Variants in CNTNAP2 observed in about 807,000 individuals in gnomAD.
CNTNAP2 encodes contactin-associated protein-like 2.
Under a neutral mutation model 155.2 loss-of-function variants are expected in CNTNAP2, and 98 were observed. That is an observed-to-expected ratio of 0.63 (90% CI 0.54 to 0.75). CNTNAP2 has a LOEUF of 0.75. CNTNAP2 is among the 30% of genes least tolerant of loss of function. The pLI is 0.00. For missense variants in CNTNAP2, 1,727 were observed against 1,688.1 expected (o/e 1.02, Z -0.40); for synonymous variants, 651 against 631.2 (o/e 1.03, Z -0.47).
At chr7:146,527,010 T>C (rs1437959398) in intron 1 of CNTNAP2, among the ~76,000 whole-genome samples, 1 of 151,976 alleles carries the variant, frequency 6.6e-6, no homozygotes, top group Non-Finnish European at 1.5e-5. Context: ...CGCCTCGGCC[T>C]CCCAAAGTGC....
intron 4 of CNTNAP2, among the ~76,000 whole-genome samples, chr7:147,063,539 G>A (rs1289464782): frequency 6.6e-6 from 1 of 152,066 alleles, no homozygotes; most frequent in African/African-American, 2.4e-5. Flanking sequence ...ATTGTTGTAT[G>A]CCCAGTGGAA....
At chr7:147,001,994 C>T (rs1428432084) in intron 3 of CNTNAP2, among the ~76,000 whole-genome samples, 1 of 151,272 alleles carries the variant, frequency 6.6e-6, no homozygotes, top group African/African-American at 2.4e-5. Context: ...AAAAAATAGT[C>T]AATATGTTTA....
chr7:148,202,158 G>T (rs1795379507), intron 18 of CNTNAP2, among the ~76,000 whole-genome samples: 1 of 152,010 alleles, frequency 6.6e-6, no homozygotes, highest in South Asian at 2.1e-4. Flanking sequence ...CCCTTCAATG[G>T]CCTCTCTCCT....
At chr7:146,871,876 A>G (rs1457153324) in intron 3 of CNTNAP2, among the ~76,000 whole-genome samples, 5 of 152,142 alleles carry the variant, frequency 3.3e-5, no homozygotes, top group Non-Finnish European at 5.9e-5. Context: ...TTCAAAAAAC[A>G]CAGAACTATA....
At chr7:147,985,511 G>T (rs868678866) in intron 15 of CNTNAP2, among the ~76,000 whole-genome samples, 1 of 149,348 alleles carries the variant, frequency 6.7e-6, no homozygotes, top group Non-Finnish European at 1.5e-5. Context: ...TACATGAAGG[G>T]CTGGTTCTGA....
At chr7:148,215,513 C>T (rs115124507) in intron 18 of CNTNAP2, among the ~76,000 whole-genome samples, 27 of 143,610 alleles carry the variant, frequency 1.9e-4, no homozygotes, top group Non-Finnish European at 2.3e-4. Flanking sequence ...TCAGGGCTTT[C>T]TTTTTTTTTT....
chr7:147,774,062 C>T (rs576343337), intron 13 of CNTNAP2, among the ~76,000 whole-genome samples: 51 of 151,740 alleles, frequency 3.4e-4, no homozygotes, highest in Non-Finnish European at 6.0e-4. Flanking sequence ...ACAACCACTT[C>T]CTTACTTCCT....
rs552196567 is a variant in CNTNAP2 at position 146,215,628 on chromosome 7, A to T, written c.97+98655A>T. ...TATCTTATATGAATAATATATATAT[A>T]TTTTTTTACTTGCCTTTGGAAAGAA... On this transcript the variant is annotated intron_variant, in intron 1 of 23. Transcript: ENST00000361727. Among the ~76,000 whole-genome samples the T allele has an allele frequency of 1.8e-3, 235 of 128,550 alleles. 1 individual carries two copies. Among genetic ancestry groups the T allele is most frequent in the African/African-American group, 5.0e-3 (189 of 37,720 alleles). 84.3% of individuals were successfully genotyped at this position (128,550 alleles called of 152,430 possible).
chr7:147,402,860 A>G (rs140638910), intron 10 of CNTNAP2, among the ~76,000 whole-genome samples: 1 of 152,032 alleles, frequency 6.6e-6, no homozygotes, highest in African/African-American at 2.4e-5. Context: ...TAGGATTCCT[A>G]AGTCTCTGCT....
intron 13 of CNTNAP2, among the ~76,000 whole-genome samples, chr7:147,790,634 A>T (rs1382907687): frequency 6.6e-6 from 1 of 152,208 alleles, no homozygotes; most frequent in Non-Finnish European, 1.5e-5. Context: ...AGTTGTTTAG[A>T]TGCTATTCTA....
At chr7:146,546,209 AAAT>A (rs1250890051) in intron 1 of CNTNAP2, among the ~76,000 whole-genome samples, 1 of 151,928 alleles carries the variant, frequency 6.6e-6, no homozygotes, top group East Asian at 1.9e-4. Context: ...GGAGATTCTG[AAAT>A]GTGACTGATA....
intron 1 of CNTNAP2, among the ~76,000 whole-genome samples, chr7:146,679,110 T>C (rs1800454850): frequency 6.6e-6 from 1 of 152,152 alleles, no homozygotes; most frequent in Non-Finnish European, 1.5e-5. Flanking sequence ...ATCACCTAAA[T>C]ATTAAGCCTA....
At chr7:148,203,052 C>T (rs1795391990) in intron 18 of CNTNAP2, among the ~76,000 whole-genome samples, 1 of 152,172 alleles carries the variant, frequency 6.6e-6, no homozygotes, top group African/African-American at 2.4e-5. Context: ...TAGCCAATTA[C>T]TTCTTGGTTT....
intron 15 of CNTNAP2, among the ~76,000 whole-genome samples, chr7:148,090,073 C>T (rs1424959976): frequency 6.6e-6 from 1 of 151,900 alleles, no homozygotes; most frequent in Non-Finnish European, 1.5e-5. Flanking sequence ...TGAAACTAGG[C>T]TCTCATTTTA....
At chr7:147,496,120 A>C (rs147467772) in intron 11 of CNTNAP2, among the ~76,000 whole-genome samples, 1 of 152,182 alleles carries the variant, frequency 6.6e-6, no homozygotes, top group African/African-American at 2.4e-5. Flanking sequence ...CTGATTTTAC[A>C]TTATGGTGAG....
chr7:146,263,878 C>T (rs1216741983), intron 1 of CNTNAP2, among the ~76,000 whole-genome samples: 1 of 152,126 alleles, frequency 6.6e-6, no homozygotes, highest in Non-Finnish European at 1.5e-5. Flanking sequence ...GAGAGGTAAT[C>T]ATAATAGTTG....
intron 1 of CNTNAP2, among the ~76,000 whole-genome samples, chr7:146,322,968 T>C (rs1801032275): frequency 6.6e-6 from 1 of 152,048 alleles, no homozygotes; most frequent in South Asian, 2.1e-4. Flanking sequence ...ATCTTTCAGA[T>C]AATATAGCAT....
chr7:146,772,486 G>A (rs10242127), intron 1 of CNTNAP2, among the ~76,000 whole-genome samples: 6,125 of 140,824 alleles, frequency 0.043, 450 homozygotes, highest in African/African-American at 0.16. Context: ...GTGAAACCCC[G>A]TCTCTACTGA....
At chr7:147,246,056 C>CACATATATATGTCATATATATATAT (rs1804055381) in intron 8 of CNTNAP2, among the ~76,000 whole-genome samples, 2 of 133,500 alleles carry the variant, frequency 1.5e-5, no homozygotes, top group South Asian at 2.5e-4. Flanking sequence ...TATATATATA[C>CACATATATATGTCATATATATATAT]ACATATATAT....
Sources: allele counts gnomAD v4.1 joint callset (sites outside exome capture counted in the v4.1 genomes callset), GRCh38; gene constraint gnomAD v4.1.1; transcripts MANE v1.5; gene names NCBI Gene and HGNC (gene_info 2026-07-23, HGNC 2026-07-21).